The following EVC variants were observed in gnomAD, a reference collection of about 807,000 sequenced individuals.
EVC encodes the protein EvC ciliary complex subunit 1.
Under a neutral mutation model 118.9 loss-of-function variants are expected in EVC, and 116 were observed. That is an observed-to-expected ratio of 0.98 (90% CI 0.84 to 1.14). EVC has a LOEUF of 1.14. EVC is among the 50% of genes most tolerant of loss of function. EVC has a pLI of 0.00. For missense variants in EVC, 1,401 were observed against 1,246.4 expected, an observed-to-expected ratio of 1.12 and a Z score of -1.87; for synonymous variants, 619 against 534.7, an observed-to-expected ratio of 1.16 and a Z score of -2.18.
At chr4:5,744,423 A>G (rs962072157) in intron 6 of EVC, among the ~76,000 whole-genome samples, 6 of 152,262 alleles carry the variant, frequency 3.9e-5, no homozygotes, top group African/African-American at 1.2e-4. Context: ...TAGAGAAAAT[A>G]GAACTGCCTC....
intron 5 of EVC, among the ~76,000 whole-genome samples, chr4:5,740,867 C>A (rs764205915): frequency 3.9e-5 from 6 of 152,122 alleles, no homozygotes; most frequent in Non-Finnish European, 8.8e-5. Flanking sequence ...GCATGAAAAT[C>A]CAAGTTGAAC....
At chr4:5,728,817 C>G (rs534591525) in intron 2 of EVC, among the ~76,000 whole-genome samples, 2 of 152,278 alleles carry the variant, frequency 1.3e-5, no homozygotes, top group African/African-American at 2.4e-5. Context: ...CCTTAGGAGA[C>G]TCTCTTGTTA....
chr4:5,712,961 A>G (rs1577303488), intron 1 of EVC, among the ~76,000 whole-genome samples: 1 of 152,214 alleles, frequency 6.6e-6, no homozygotes, highest in Non-Finnish European at 1.5e-5. Flanking sequence ...GATGCTCTGC[A>G]AGGGTGTTTG....
rs370196809 is a variant in EVC at position 5,759,840 on chromosome 4, G to A, written c.1563+3478G>A. Among the ~76,000 whole-genome samples, 89 of 152,312 alleles carry A rather than the reference G, an allele frequency of 5.8e-4. 1 individual carries two copies. The South Asian group carries it at 0.017, about 29-fold the overall frequency. On this transcript the variant is annotated intron_variant, in intron 11 of 20. Coordinates refer to ENST00000264956, the MANE Select transcript of EVC (RefSeq NM_153717.3). Reference sequence around the variant, plus strand: ...GCCTGGGACACAGCCTCAGGAGGGCGCGTCCTGACGACACGCGCCCAAGGG... The same window carrying A: ...GCCTGGGACACAGCCTCAGGAGGGCACGTCCTGACGACACGCGCCCAAGGG...
At chr4:5,757,046 C>T (rs1230784741) in intron 11 of EVC, among the ~76,000 whole-genome samples, 2 of 152,220 alleles carry the variant, frequency 1.3e-5, no homozygotes, top group Non-Finnish European at 2.9e-5. Flanking sequence ...CTCCCCGCTT[C>T]CTCACTGCGT....
chr4:5,798,826 G>C lies in EVC; in HGVS notation c.2304+34G>C. The C allele has an allele frequency of 6.3e-7, 1 of 1,595,614 alleles. No homozygotes were observed. The highest frequency in any genetic ancestry group is 8.5e-7 in the Non-Finnish European group (1 of 1,171,438). The stretch of plus-strand genomic sequence containing the variant: ...TGACCTCTGTCCCTGGGGACACCGA[G>C]GGCAAGAATGTTCAGGGTAGGGTCC... On this transcript the variant is annotated intron_variant, in intron 15 of 20. Coordinates refer to ENST00000264956, the MANE Select transcript of EVC (RefSeq NM_153717.3). This position sits in a 1 kb window ranked among gnomAD's most constrained non-coding sequence, Gnocchi z 4.1.
chr4:5,824,959 C>T, the EVC span: 2 of 985,412 alleles, frequency 2.0e-6, no homozygotes, highest in South Asian at 4.7e-5. Flanking sequence ...AGCACCAAGT[C>T]CTGGTATTTT....
At chr4:5,753,483 T>A (rs1322752846) in intron 9 of EVC, among the ~76,000 whole-genome samples, 1 of 151,432 alleles carries the variant, frequency 6.6e-6, no homozygotes, top group African/African-American at 2.4e-5. Context: ...GGGTGGGCCA[T>A]GGTCCAGCAT....
At chr4:5,713,676 C>A (rs1316555115) in intron 1 of EVC, among the ~76,000 whole-genome samples, 183 of 71,660 alleles carry the variant, frequency 2.6e-3, no homozygotes, top group East Asian at 6.1e-3. Flanking sequence ...GGCTCCGTCT[C>A]AAAAAAAAAA....
At chr4:5,823,331 C>A in the EVC span, among the ~76,000 whole-genome samples, 124 of 152,308 alleles carry the variant, frequency 8.1e-4, no homozygotes, top group African/African-American at 2.8e-3. Context: ...TGTCTTCTTG[C>A]AATACAAGTC....
In EVC at chr4:5,762,148, G is replaced by A. The variant is rs1330863315; in HGVS notation, c.1563+5786G>A. ...TTCCCACCTATGAGTGAGAATATGC[G>A]GTGTTTGGTTTTTTGTTCTTGGGAT... On this transcript the variant is annotated intron_variant, in intron 11 of 20. Transcript: ENST00000264956. Among the ~76,000 whole-genome samples the A allele has an allele frequency of 2.5e-4, 33 of 129,674 alleles. 1 individual carries two copies. The highest frequency in any genetic ancestry group is 9.0e-4 in the African/African-American group (31 of 34,394). 85.1% of individuals were successfully genotyped at this position (129,674 alleles called of 152,430 possible). A position where few individuals can be genotyped will look rare whatever the true frequency, so the allele number is the denominator to read the frequency against.
At chr4:5,752,781 G>A (rs1730588536) in intron 8 of EVC, 55 bp from the exon 9 acceptor site, 5 of 1,570,374 alleles carry the variant, frequency 3.2e-6, no homozygotes, top group Admixed American at 3.3e-5. Flanking sequence ...TAATTAACAT[G>A]CCCTGGTGGT....
At chr4:5,724,046 G>A (rs896026398) in intron 2 of EVC, among the ~76,000 whole-genome samples, 5 of 152,210 alleles carry the variant, frequency 3.3e-5, no homozygotes, top group African/African-American at 9.6e-5. Context: ...ATTCCCACAG[G>A]GAGAATGAAT....
chr4:5,726,561 C>CTCTTT (rs1434137661), intron 2 of EVC, among the ~76,000 whole-genome samples: 2 of 73,338 alleles, frequency 2.7e-5, no homozygotes, highest in East Asian at 4.4e-4. Flanking sequence ...TGAGTTTCTT[C>CTCTTT]TCTTTTCTTT....
chr4:5,778,108 G>A (rs1219456638), intron 11 of EVC, among the ~76,000 whole-genome samples: 4 of 151,032 alleles, frequency 2.6e-5, no homozygotes, highest in African/African-American at 7.3e-5. Context: ...TTGTTCTTGC[G>A]ATAGTTTACT....
chr4:5,755,240 G>A lies in EVC; in HGVS notation c.1465-1024G>A, dbSNP rs883994. Among the ~76,000 whole-genome samples, 40,300 of 152,096 alleles carry A rather than the reference G, an allele frequency of 0.26. 5,791 individuals are homozygous for A. The highest frequency in any genetic ancestry group is 0.37 in the African/African-American group (15,514 of 41,472). ...CTGGGCCCCTGTCCTTGATGTCACA[G>A]AGCCCAGTGTGAGTCCAGAGTGTGG... On this transcript the variant is annotated intron_variant, in intron 10 of 20. Transcript: ENST00000264956. This position sits in a 1 kb window ranked among gnomAD's most constrained non-coding sequence, Gnocchi z 4.1.
chr4:5,711,327 G>T lies in EVC; in HGVS notation c.-54G>T. 1.0e-6 allele frequency: 1 copy of T among 1,001,340 alleles called. No individual in the cohort carries two copies. The highest frequency in any genetic ancestry group is 1.2e-6 in the Non-Finnish European group (1 of 839,612). The allele number at this position is 1,001,340 out of a possible 1,614,324, so 62.0% of individuals were successfully genotyped here. On this transcript the variant is annotated 5_prime_UTR_variant, in exon 1 of 21. Transcript: ENST00000264956. ...CAAGTCCCGCGTCGCCGCCCTGGCG[G>T]GGACGGTGCAGCAGGCGGCGGGATG...
At position 5,809,620 on chromosome 4, in the gene EVC, CAG is replaced by C; in HGVS notation, c.2782+11_2782+12del. On this transcript the variant is annotated intron_variant, in intron 19 of 20. Coordinates refer to ENST00000264956, the MANE Select transcript of EVC (RefSeq NM_153717.3). ...TAAGCGTGGGCTGCTAGGTGAGTCACAGATGCTTGAGTTGCAGCGGGAAGCAC... is the reference window on the plus strand; with the variant it reads ...TAAGCGTGGGCTGCTAGGTGAGTCACATGCTTGAGTTGCAGCGGGAAGCAC... The C allele has an allele frequency of 6.2e-7, 1 of 1,613,554 alleles. No individual in the cohort carries two copies. Among genetic ancestry groups the C allele is most frequent in the Non-Finnish European group, 8.5e-7 (1 of 1,179,552 alleles).
intron 11 of EVC, among the ~76,000 whole-genome samples, chr4:5,776,769 C>T (rs563910271): frequency 1.3e-5 from 2 of 152,264 alleles, no homozygotes; most frequent in South Asian, 2.1e-4. Flanking sequence ...TCTTCAGCTG[C>T]ACCTAAACTG....
Sources: allele counts gnomAD v4.1 joint callset (sites outside exome capture counted in the v4.1 genomes callset), GRCh38; gene constraint gnomAD v4.1.1; non-coding constraint Gnocchi (gnomAD v3.1); transcripts MANE v1.5; gene names NCBI Gene and HGNC (gene_info 2026-07-23, HGNC 2026-07-21).